Variants in GRM8 observed in about 807,000 individuals in gnomAD.
GRM8 encodes the protein glutamate metabotropic receptor 8, also known as metabotropic glutamate receptor 8.
Under a neutral mutation model 87.2 loss-of-function variants are expected in GRM8, and 47 were observed. The observed-to-expected ratio is 0.54, with a 90% CI of 0.43 to 0.69. The LOEUF is 0.69. Ranked by LOEUF, GRM8 falls within the 30% of genes least tolerant of loss-of-function variation. The pLI is 0.00. For missense variants in GRM8, 1,019 were observed against 1,139.2 expected, an observed-to-expected ratio of 0.89 and a Z score of 1.52; for synonymous variants, 396 against 404.5, an observed-to-expected ratio of 0.98 and a Z score of 0.25.
intron 2 of GRM8, among the ~76,000 whole-genome samples, chr7:127,185,597 G>GA (rs200954975): frequency 1.3e-5 from 2 of 151,740 alleles, no homozygotes; most frequent in African/African-American, 4.8e-5. Flanking sequence ...CATAATCTAC[G>GA]AAAAAAAATT....
intron 3 of GRM8, among the ~76,000 whole-genome samples, chr7:126,905,160 A>G (rs183355725): frequency 9.0e-4 from 137 of 152,346 alleles, no homozygotes; most frequent in Non-Finnish European, 5.0e-4. Flanking sequence ...GAACTGCAGC[A>G]AGATCCTCAT....
rs900092403 is a variant in GRM8, at chr7:126,757,499, G to A, written c.1357+12366C>T. Reference sequence around the variant, plus strand: ...CGAACAAGACCTGGGGAAAATTAGAGCTTTCTTAAGCAGGATTGAGTATAA... The same window carrying A: ...CGAACAAGACCTGGGGAAAATTAGAACTTTCTTAAGCAGGATTGAGTATAA... On this transcript the variant is annotated intron_variant, in intron 7 of 10. Coordinates refer to ENST00000339582, the MANE Select transcript of GRM8 (RefSeq NM_000845.3). 2.0e-5 allele frequency among the ~76,000 whole-genome samples: 3 copies of A among 152,296 alleles called. No homozygotes were observed. The South Asian group carries it at 6.2e-4, about 32-fold the overall frequency.
chr7:126,629,818 T>C (rs936508339), intron 7 of GRM8, among the ~76,000 whole-genome samples: 2 of 152,262 alleles, frequency 1.3e-5, no homozygotes, highest in Admixed American at 6.5e-5. Flanking sequence ...CGCATAACAA[T>C]GTGGAGCATA....
At chr7:127,079,071 T>G (rs1055423457) in intron 3 of GRM8, among the ~76,000 whole-genome samples, 3 of 152,196 alleles carry the variant, frequency 2.0e-5, no homozygotes, top group Non-Finnish European at 2.9e-5. Flanking sequence ...AATTGAAGTA[T>G]TAGGCAATGA....
chr7:126,753,959 A>G (rs920262940), intron 7 of GRM8, among the ~76,000 whole-genome samples: 2 of 151,912 alleles, frequency 1.3e-5, no homozygotes, highest in African/African-American at 2.4e-5. Context: ...CTTTTCAATC[A>G]CGGTGATTAA....
intron 6 of GRM8, among the ~76,000 whole-genome samples, chr7:126,796,139 C>T (rs1354454128): frequency 1.3e-5 from 2 of 151,946 alleles, no homozygotes; most frequent in Non-Finnish European, 2.9e-5. Context: ...ATCTTCATAA[C>T]GTACCTTTGT....
intron 3 of GRM8, among the ~76,000 whole-genome samples, chr7:126,953,318 C>T (rs1295272187): frequency 6.6e-6 from 1 of 152,072 alleles, no homozygotes; most frequent in Non-Finnish European, 1.5e-5. Flanking sequence ...GAATTCAACA[C>T]ACTGAGGTTT....
In GRM8 at chr7:127,197,757, G is replaced by A. The variant is rs186450521; in HGVS notation, c.510+44938C>T. On this transcript the variant is annotated intron_variant, in intron 2 of 10. Coordinates refer to ENST00000339582, the MANE Select transcript of GRM8 (RefSeq NM_000845.3). ...AGAACCAAGTATAGATTAGGCATAAGGTAAAAGGGAGAACATTATTCTTCA... is the reference window on the plus strand; with the variant it reads ...AGAACCAAGTATAGATTAGGCATAAAGTAAAAGGGAGAACATTATTCTTCA... Among the ~76,000 whole-genome samples, 97 of 152,240 alleles carry A rather than the reference G, an allele frequency of 6.4e-4. 2 individuals carry two copies. In the East Asian group the frequency reaches 0.015, roughly 24 times the overall value.
At position 126,689,529 on chromosome 7, in the gene GRM8, G is replaced by A. The variant is rs372847787; in HGVS notation, c.1358-80031C>T. ...CTCAACTGAATGATAATGTTATGGC[G>A]CTGATCTCAAAAAAATCATTCACTA... is the stretch of plus-strand genomic sequence containing the variant. On this transcript the variant is annotated intron_variant, in intron 7 of 10. Coordinates refer to ENST00000339582, the MANE Select transcript of GRM8 (RefSeq NM_000845.3). Among the ~76,000 whole-genome samples, 10 of 152,212 alleles carry A rather than the reference G, an allele frequency of 6.6e-5. No individual in the cohort carries two copies. The East Asian group carries it at 1.4e-3, about 21-fold the overall frequency.
intron 9 of GRM8, among the ~76,000 whole-genome samples, chr7:126,520,250 T>C (rs1195553363): frequency 6.6e-6 from 1 of 152,142 alleles, no homozygotes. Flanking sequence ...GGTTTTATTA[T>C]TCTAAAAAGA....
chr7:127,176,849 T>G (rs1794137441), intron 2 of GRM8, among the ~76,000 whole-genome samples: 1 of 152,150 alleles, frequency 6.6e-6, no homozygotes, highest in Non-Finnish European at 1.5e-5. Context: ...AGAAAGGCCT[T>G]GGGAGCTTGC....
intron 3 of GRM8, among the ~76,000 whole-genome samples, chr7:127,048,777 A>T (rs1268729033): frequency 6.6e-6 from 1 of 152,194 alleles, no homozygotes; most frequent in African/African-American, 2.4e-5. Flanking sequence ...TATTTAATGT[A>T]TGATATTATA....
chr7:127,095,786 G>A (rs2132959511), intron 3 of GRM8: 1 of 152,242 alleles, frequency 6.6e-6, no homozygotes, highest in Middle Eastern at 3.4e-3. Context: ...TCTAAATGAT[G>A]CCTCCATTGA....
At chr7:126,905,607 A>G (rs1375871003) in intron 3 of GRM8, among the ~76,000 whole-genome samples, 1 of 152,172 alleles carries the variant, frequency 6.6e-6, no homozygotes, top group Non-Finnish European at 1.5e-5. Context: ...CTTCCAAACA[A>G]TTGCCAATGC....
intron 9 of GRM8, among the ~76,000 whole-genome samples, chr7:126,500,198 C>G (rs751526793): frequency 6.6e-6 from 1 of 151,876 alleles, no homozygotes; most frequent in Non-Finnish European, 1.5e-5. Flanking sequence ...AATTTTGTGC[C>G]CTTTCATCAA....
intron 7 of GRM8, among the ~76,000 whole-genome samples, chr7:126,647,599 C>G (rs930815595): frequency 1.3e-5 from 2 of 152,076 alleles, no homozygotes; most frequent in Non-Finnish European, 2.9e-5. Flanking sequence ...TCCCTCTCCT[C>G]CATTCCAAAC....
At chr7:127,078,797 T>C (rs1042801624) in intron 3 of GRM8, among the ~76,000 whole-genome samples, 2 of 152,244 alleles carry the variant, frequency 1.3e-5, no homozygotes, top group African/African-American at 4.8e-5. Flanking sequence ...CAATTTTTCT[T>C]GACTAAGGAT....
intron 3 of GRM8, among the ~76,000 whole-genome samples, chr7:126,975,735 T>C (rs17863171): frequency 2.0e-5 from 3 of 152,302 alleles, no homozygotes; most frequent in Non-Finnish European, 2.9e-5. Context: ...TTATCTCCGG[T>C]AGTCTCCATG....
In GRM8 at chr7:126,798,195, A is replaced by G. The variant is rs140292488; in HGVS notation, c.1157-28130T>C. 1.3e-3 allele frequency among the ~76,000 whole-genome samples: 204 copies of G among 152,032 alleles called. 4 individuals are homozygous for G. The highest frequency in any genetic ancestry group is 4.4e-3 in the African/African-American group (184 of 41,498). The stretch of plus-strand genomic sequence containing the variant: ...TTTTTTCCATTGTGTAGTGTGCATT[A>G]CCTTCATAGGGGCAAAGAGAATGCC... On this transcript the variant is annotated intron_variant, in intron 6 of 10. Transcript: ENST00000339582.
Sources: allele counts gnomAD v4.1 joint callset (sites outside exome capture counted in the v4.1 genomes callset), GRCh38; gene constraint gnomAD v4.1.1; transcripts MANE v1.5; gene names NCBI Gene and HGNC (gene_info 2026-07-23, HGNC 2026-07-21).